ANKRD44: variants seen among roughly 807,000 people sequenced by gnomAD.
ANKRD44 encodes the protein serine/threonine-protein phosphatase 6 regulatory ankyrin repeat subunit B.
A neutral mutation model predicts 116.0 loss-of-function variants in ANKRD44; 35 were observed. The observed-to-expected ratio is 0.30, with a 90% CI of 0.23 to 0.40. The LOEUF is 0.40. Among genes scored for constraint, ANKRD44 ranks in the 10% least tolerant of loss-of-function variants. ANKRD44 has a pLI of 1.00. For missense variants in ANKRD44, 1,014 were observed against 1,242.6 expected, an observed-to-expected ratio of 0.82 and a Z score of 2.77; for synonymous variants, 435 against 461.8, an observed-to-expected ratio of 0.94 and a Z score of 0.74.
At chr2:197,280,945 A>G (rs1167090217) in intron 1 of ANKRD44, among the ~76,000 whole-genome samples, 1 of 152,220 alleles carries the variant, frequency 6.6e-6, no homozygotes, top group Non-Finnish European at 1.5e-5. Context: ...CCCAAAAAAG[A>G]AAATAAAATA....
At chr2:197,234,322 G>A (rs2081933297) in intron 1 of ANKRD44, among the ~76,000 whole-genome samples, 1 of 151,864 alleles carries the variant, frequency 6.6e-6, no homozygotes, top group African/African-American at 2.4e-5. Context: ...CTCCATAGTA[G>A]CCGGGATCAC....
rs200088798 is a variant in ANKRD44, at chr2:197,147,072, C to T, written c.145G>A (p.Ala49Thr). The T allele has an allele frequency of 4.8e-5, 78 of 1,613,650 alleles. No individual in the cohort carries two copies. The highest frequency in any genetic ancestry group is 6.7e-5 in the East Asian group (3 of 44,868). The change falls in exon 3 of 28, where the codon GCA (alanine) becomes ACA (threonine). Residue 49 changes from alanine to threonine, a missense_variant. Physicochemically the swap from Ala to Thr is moderately conservative, Grantham distance 58. Coordinates refer to ENST00000282272, the MANE Select transcript of ANKRD44 (RefSeq NM_001195144.2). ...SEKRTPLHVA[A>T]FLGDAEIIEL... The stretch of plus-strand genomic sequence containing the variant: ...ATGATCTCTGCATCTCCCAGAAATG[C>T]GGCCACATGAAGAGGGGTTCGTTTC...
chr2:197,000,049 G>A (rs1334412480), intron 23 of ANKRD44, among the ~76,000 whole-genome samples: 1 of 152,148 alleles, frequency 6.6e-6, no homozygotes, highest in Non-Finnish European at 1.5e-5. Context: ...TGGTAAATCT[G>A]TATGTTTTGG....
intron 1 of ANKRD44, among the ~76,000 whole-genome samples, chr2:197,262,284 C>T (rs1301563619): frequency 1.3e-5 from 2 of 152,126 alleles, no homozygotes; most frequent in Non-Finnish European, 2.9e-5. Context: ...TATCTTAGAA[C>T]CCAGGCCCTA....
At chr2:197,103,227 CAAAAAAA>C (rs59073157) in intron 9 of ANKRD44, among the ~76,000 whole-genome samples, 3 of 103,028 alleles carry the variant, frequency 2.9e-5, no homozygotes, top group African/African-American at 1.1e-4. Context: ...GACTCCATCT[CAAAAAAA>C]AAAAAAAAAA....
intron 17 of ANKRD44, among the ~76,000 whole-genome samples, chr2:197,014,599 C>T (rs1402784165): frequency 6.6e-6 from 1 of 151,826 alleles, no homozygotes; most frequent in South Asian, 2.1e-4. Context: ...ACCAGTCTGG[C>T]CAAAATAGTG....
At chr2:197,207,202 G>A (rs975784120) in intron 1 of ANKRD44, among the ~76,000 whole-genome samples, 1 of 152,176 alleles carries the variant, frequency 6.6e-6, no homozygotes, top group South Asian at 2.1e-4. Context: ...GAAAATCATG[G>A]CATGGAGGGA....
rs1297041904 is a variant in ANKRD44 at position 197,158,260 on chromosome 2, TAAG to T, written c.112-11158_112-11156del. The stretch of plus-strand genomic sequence containing the variant: ...GTTCTATGCATGACCCCAAGCATAT[TAAG>T]AAGGAGTGTCTTTAAACTTAACGCA... On this transcript the variant is annotated intron_variant, in intron 2 of 27. Coordinates refer to ENST00000282272, the MANE Select transcript of ANKRD44 (RefSeq NM_001195144.2). Among the ~76,000 whole-genome samples the T allele has an allele frequency of 1.2e-4, 18 of 152,330 alleles. No individual in the cohort carries two copies. The South Asian group carries it at 2.5e-3, about 21-fold the overall frequency.
At chr2:197,105,581 C>A (rs553663703) in intron 9 of ANKRD44, among the ~76,000 whole-genome samples, 2 of 152,146 alleles carry the variant, frequency 1.3e-5, no homozygotes, top group Admixed American at 1.3e-4. Flanking sequence ...GTGGAGATCA[C>A]GGAATCTCTT....
At chr2:197,226,694 A>G (rs1187518248) in intron 1 of ANKRD44, among the ~76,000 whole-genome samples, 2 of 152,040 alleles carry the variant, frequency 1.3e-5, no homozygotes, top group Non-Finnish European at 2.9e-5. Context: ...ATTCTGATGT[A>G]TAGTGAGGGT....
chr2:197,171,214 G>A (rs746858451), intron 2 of ANKRD44, among the ~76,000 whole-genome samples: 1 of 152,254 alleles, frequency 6.6e-6, no homozygotes, highest in Admixed American at 6.5e-5. Flanking sequence ...AGGAACTTCC[G>A]AGTTTTCTTT....
intron 16 of ANKRD44, among the ~76,000 whole-genome samples, chr2:197,049,537 C>T (rs2077066257): frequency 6.6e-6 from 1 of 152,148 alleles, no homozygotes. Context: ...GTGGAGGAAA[C>T]ACATTCTCAT....
At chr2:197,220,609 T>G (rs780123320) in intron 1 of ANKRD44, among the ~76,000 whole-genome samples, 13 of 152,222 alleles carry the variant, frequency 8.5e-5, no homozygotes, top group Non-Finnish European at 1.8e-4. Flanking sequence ...ATGCTTCAAT[T>G]AATTCCTATG....
downstream of ANKRD44, among the ~76,000 whole-genome samples, chr2:196,981,817 C>T (rs1222478965): frequency 6.6e-6 from 1 of 151,832 alleles, no homozygotes; most frequent in Non-Finnish European, 1.5e-5. Context: ...CATAAATGAA[C>T]TCTATCTTGC....
intron 1 of ANKRD44, among the ~76,000 whole-genome samples, chr2:197,216,749 T>G (rs1160055669): frequency 1.3e-5 from 2 of 152,052 alleles, no homozygotes; most frequent in African/African-American, 4.8e-5. Flanking sequence ...CTGGACTTTT[T>G]CCAGCAGAAA....
At chr2:197,107,611 G>A (rs942855680) in intron 9 of ANKRD44, among the ~76,000 whole-genome samples, 6 of 152,182 alleles carry the variant, frequency 3.9e-5, no homozygotes, top group Non-Finnish European at 8.8e-5. Flanking sequence ...AGTCAGAGAA[G>A]CAGAGAAAAC....
At chr2:196,972,327 C>T (rs949313753) in intron 21 of ANKRD44, among the ~76,000 whole-genome samples, 4 of 152,224 alleles carry the variant, frequency 2.6e-5, no homozygotes, top group Non-Finnish European at 5.9e-5. Context: ...CCTCAGCCAC[C>T]TGAGCAGCTG....
intron 10 of ANKRD44, among the ~76,000 whole-genome samples, chr2:197,090,474 C>T (rs1307169625): frequency 6.7e-6 from 1 of 150,268 alleles, no homozygotes; most frequent in Non-Finnish European, 1.5e-5. Context: ...AACCTGTTTC[C>T]TTTCTTTTTT....
chr2:197,080,584 T>A (rs2077770418), intron 15 of ANKRD44, among the ~76,000 whole-genome samples: 1 of 152,196 alleles, frequency 6.6e-6, no homozygotes. Context: ...CTTTTAATAT[T>A]GTTATTTTAA....
Sources: gnomAD v4.1 joint callset for allele counts (sites outside exome capture counted in the v4.1 genomes callset) on GRCh38, gnomAD v4.1.1 for gene constraint, MANE v1.5 for transcripts, NCBI Gene and HGNC (gene_info 2026-07-23, HGNC 2026-07-21) for gene names.